LRRTM4: variants seen among roughly 807,000 people sequenced by gnomAD.
The protein encoded by LRRTM4 is leucine rich repeat transmembrane neuronal 4, also known as leucine-rich repeat transmembrane neuronal protein 4.
LRRTM4 carries 25 observed loss-of-function variants against 47.6 expected under a neutral mutation model. The observed-to-expected ratio is 0.53, with a 90% CI of 0.38 to 0.73. The LOEUF (loss-of-function observed/expected upper bound fraction) is 0.73, where lower values mean the gene tolerates loss of function less well. LRRTM4 is among the 30% of genes least tolerant of loss of function. The pLI, the probability that LRRTM4 is intolerant of heterozygous loss-of-function variation, is 0.00. For synonymous variants in LRRTM4, 311 were observed against 269.5 expected (o/e 1.15, Z -1.51); for missense variants, 638 against 713.4 (o/e 0.89, Z 1.20).
intron 3 of LRRTM4, among the ~76,000 whole-genome samples, chr2:77,397,184 T>A (rs1368387661): frequency 2.0e-5 from 3 of 151,930 alleles, no homozygotes; most frequent in African/African-American, 7.2e-5. Context: ...ATCAAAATAT[T>A]TCTATTTGCA....
intron 3 of LRRTM4, among the ~76,000 whole-genome samples, chr2:77,361,340 T>C (rs2104316309): frequency 6.6e-6 from 1 of 152,178 alleles, no homozygotes; most frequent in African/African-American, 2.4e-5. Flanking sequence ...CTCATTTAGG[T>C]TAAAGAAACT....
At chr2:77,486,811 C>T (rs1223299869) in intron 3 of LRRTM4, among the ~76,000 whole-genome samples, 2 of 152,032 alleles carry the variant, frequency 1.3e-5, no homozygotes, top group African/African-American at 2.4e-5. Context: ...ACTTTTTGTA[C>T]GTAAGGATGA....
intron 3 of LRRTM4, among the ~76,000 whole-genome samples, chr2:77,055,349 ATC>A (rs1284027863): frequency 6.6e-6 from 1 of 152,212 alleles, no homozygotes; most frequent in Admixed American, 6.5e-5. Flanking sequence ...GCACACGTAC[ATC>A]TCTTCTTGTT....
chr2:77,246,879 C>T (rs1675461797), intron 3 of LRRTM4, among the ~76,000 whole-genome samples: 1 of 151,572 alleles, frequency 6.6e-6, no homozygotes, highest in Admixed American at 6.6e-5. Flanking sequence ...CATTATTTTT[C>T]CATTGTTTTA....
Position 76,994,075 on chromosome 2 carries a change from C to T in LRRTM4, c.1552-245159G>A, listed in dbSNP as rs1330221360. 2.0e-5 allele frequency among the ~76,000 whole-genome samples: 3 copies of T among 151,652 alleles called. 1 individual carries two copies. The highest frequency in any genetic ancestry group is 1.3e-4 in the Admixed American group (2 of 15,152). On this transcript the variant is annotated intron_variant, in intron 3 of 3. Coordinates refer to ENST00000409884, the MANE Select transcript of LRRTM4 (RefSeq NM_001134745.3). ...AAACATTGGGTACTCGTGGACATAC[C>T]AATGTCCACGGCAACAATAGACACT...
intron 3 of LRRTM4, among the ~76,000 whole-genome samples, chr2:77,186,862 G>A (rs557889305): frequency 4.6e-5 from 7 of 152,162 alleles, no homozygotes; most frequent in African/African-American, 1.2e-4. Flanking sequence ...AGAAGCTGCC[G>A]GTATGTTTTG....
intron 3 of LRRTM4, among the ~76,000 whole-genome samples, chr2:77,443,190 T>C (rs1675915387): frequency 6.6e-6 from 1 of 152,150 alleles, no homozygotes; most frequent in Non-Finnish European, 1.5e-5. Flanking sequence ...AGCCGACGTT[T>C]GCAGCTGTGC....
chr2:76,816,819 G>GTTTTTTTTTTTTTTTTTTTTTTTTTTTTT (rs201525166), intron 3 of LRRTM4, among the ~76,000 whole-genome samples: 1 of 96,524 alleles, frequency 1.0e-5, no homozygotes, highest in Non-Finnish European at 2.5e-5. Context: ...GAGGTAAAGA[G>GTTTTTTTTTTTTTTTTTTTTTTTTTTTTT]TTTTTTTTTT....
At chr2:76,932,304 T>C (rs910185914) in intron 3 of LRRTM4, among the ~76,000 whole-genome samples, 1 of 152,140 alleles carries the variant, frequency 6.6e-6, no homozygotes, top group Non-Finnish European at 1.5e-5. Context: ...ATTTGAGTGA[T>C]CAAAGCACCA....
intron 3 of LRRTM4, among the ~76,000 whole-genome samples, chr2:77,041,454 A>T (rs1357220618): frequency 4.0e-5 from 6 of 151,494 alleles, no homozygotes; most frequent in Non-Finnish European, 8.9e-5. Flanking sequence ...CAGCCAGATC[A>T]TACAGTAGTT....
intron 3 of LRRTM4, among the ~76,000 whole-genome samples, chr2:77,327,269 T>A (rs188891031): frequency 6.6e-6 from 1 of 152,194 alleles, no homozygotes; most frequent in South Asian, 2.1e-4. Flanking sequence ...AATGCTATGA[T>A]AGATTTTAAA....
chr2:77,213,538 C>G (rs1674354148), intron 3 of LRRTM4, among the ~76,000 whole-genome samples: 1 of 152,102 alleles, frequency 6.6e-6, no homozygotes, highest in African/African-American at 2.4e-5. Context: ...AGTACACTTT[C>G]AATAATGTTA....
rs543089859 is a variant in LRRTM4, at chr2:77,162,061, C to T, written c.1551+356257G>A. ...GGTGTAGCCCACAGAGCGGGAATTC[C>T]CTTTCCTAGACAAGGGAAGCCATGA... On this transcript the variant is annotated intron_variant, in intron 3 of 3. Coordinates refer to ENST00000409884, the MANE Select transcript of LRRTM4 (RefSeq NM_001134745.3). 3.3e-5 allele frequency among the ~76,000 whole-genome samples: 5 copies of T among 152,208 alleles called. No individual in the cohort carries two copies. In the South Asian group the frequency reaches 8.3e-4, roughly 25 times the overall value.
At chr2:77,013,997 T>C (rs942370759) in intron 3 of LRRTM4, among the ~76,000 whole-genome samples, 1 of 152,170 alleles carries the variant, frequency 6.6e-6, no homozygotes, top group Non-Finnish European at 1.5e-5. Context: ...AAAGTTCCTT[T>C]TTTTCTTTCA....
chr2:77,264,164 T>C (rs1675990727), intron 3 of LRRTM4, among the ~76,000 whole-genome samples: 1 of 151,996 alleles, frequency 6.6e-6, no homozygotes, highest in Admixed American at 6.6e-5. Context: ...AACAGAAAGG[T>C]AATTTCTCTC....
At chr2:76,862,338 C>G (rs1573225524) in intron 3 of LRRTM4, among the ~76,000 whole-genome samples, 2 of 152,252 alleles carry the variant, frequency 1.3e-5, no homozygotes, top group African/African-American at 4.8e-5. Flanking sequence ...ACAGCATCAT[C>G]AGAAAATGCT....
chr2:76,844,419 G>A (rs1259452415), intron 3 of LRRTM4, among the ~76,000 whole-genome samples: 4 of 152,154 alleles, frequency 2.6e-5, no homozygotes, highest in Admixed American at 1.3e-4. Flanking sequence ...ACAGGTGTGA[G>A]CCACCGTGCC....
intron 3 of LRRTM4, among the ~76,000 whole-genome samples, chr2:77,175,107 T>TCA (rs1673157581): frequency 2.0e-5 from 3 of 150,388 alleles, no homozygotes; most frequent in Middle Eastern, 6.8e-3. Context: ...TCACACTCCT[T>TCA]CACACAGGCT....
intron 3 of LRRTM4, among the ~76,000 whole-genome samples, chr2:76,932,090 A>G (rs555631776): frequency 3.2e-4 from 48 of 152,232 alleles, no homozygotes; most frequent in Non-Finnish European, 5.6e-4. Context: ...CGTGAATTTT[A>G]TTGTGTTCAT....
Sources: gnomAD v4.1 joint callset for allele counts (sites outside exome capture counted in the v4.1 genomes callset) on GRCh38, gnomAD v4.1.1 for gene constraint, MANE v1.5 for transcripts, NCBI Gene and HGNC (gene_info 2026-07-23, HGNC 2026-07-21) for gene names.